Variants in PRKACA observed in about 807,000 individuals in gnomAD.
PRKACA encodes protein kinase cAMP-activated catalytic subunit alpha.
A neutral mutation model predicts 45.8 loss-of-function variants in PRKACA; 9 were observed. The observed-to-expected ratio is 0.20, with a 90% CI of 0.12 to 0.34. PRKACA has a LOEUF of 0.34. Among genes scored for constraint, PRKACA ranks in the 10% least tolerant of loss-of-function variants. The pLI is 1.00. For missense variants in PRKACA, 238 were observed against 458.6 expected (o/e 0.52, Z 4.39); for synonymous variants, 160 against 178.6 (o/e 0.90, Z 0.83).
intron 3 of PRKACA, among the ~76,000 whole-genome samples, chr19:14,105,489 C>T (rs1977575239): frequency 1.3e-5 from 2 of 149,008 alleles, no homozygotes; most frequent in South Asian, 4.2e-4. Flanking sequence ...CCAGCCTGGG[C>T]GACAAGAGTG....
At chr19:14,095,131 T>G (rs1288350616) in intron 8 of PRKACA, among the ~76,000 whole-genome samples, 1 of 149,872 alleles carries the variant, frequency 6.7e-6, no homozygotes, top group East Asian at 1.9e-4. Flanking sequence ...TGTGTTTTTT[T>G]CTTTCTTTTT....
chr19:14,093,041 A>ATGGCCCC lies in PRKACA; in HGVS notation c.*70_*71insGGGGCCA. ...CTGGGGCCCTCTGGCTGTTCAATCCAACCCTCCCACCCCCCCGACCAAAAA... is the reference window on the plus strand; with the variant it reads ...CTGGGGCCCTCTGGCTGTTCAATCCATGGCCCCACCCTCCCACCCCCCCGACCAAAAA... On this transcript the variant is annotated 3_prime_UTR_variant, in exon 10 of 10. Transcript: ENST00000308677. 2 of 500,026 alleles carry ATGGCCCC rather than the reference A, an allele frequency of 4.0e-6. No homozygotes were observed. The highest frequency in any genetic ancestry group is 3.6e-6 in the Non-Finnish European group (1 of 278,312). The allele number at this position is 500,026 out of a possible 1,614,324, so 31.0% of individuals were successfully genotyped here.
At chr19:14,099,092 G>C (rs1977361998) in intron 5 of PRKACA, among the ~76,000 whole-genome samples, 1 of 151,984 alleles carries the variant, frequency 6.6e-6, no homozygotes, top group Admixed American at 6.6e-5. Context: ...AGGAGTTCGA[G>C]ACCAGCCTGG....
Position 14,102,805 on chromosome 19 carries a change from T to C in PRKACA, c.336+11A>G, listed in dbSNP as rs756266608. The C allele has an allele frequency of 1.2e-6, 2 of 1,612,226 alleles. No individual in the cohort carries two copies. Among genetic ancestry groups the C allele is most frequent in the Non-Finnish European group, 1.7e-6 (2 of 1,178,232 alleles). ...GCAGTGACCCCCCGCCCTTGGCCAC[T>C]GGGACCCCACCTTGAAGGAGAACTC... On this transcript the variant is annotated intron_variant, in intron 4 of 9. Transcript: ENST00000308677.
chr19:14,108,039 TAC>T, intron 1 of PRKACA: 1 of 985,922 alleles, frequency 1.0e-6, no homozygotes, highest in African/African-American at 1.7e-5. Flanking sequence ...GGCTGCTGTC[TAC>T]ACTGTCTCAT....
chr19:14,106,504 A>G (rs1977607694), intron 3 of PRKACA, among the ~76,000 whole-genome samples: 1 of 152,124 alleles, frequency 6.6e-6, no homozygotes, highest in Admixed American at 6.5e-5. Context: ...AAATACAAAA[A>G]TTAGCTGGGT....
At chr19:14,116,909 A>C (rs1459907772) in intron 1 of PRKACA, among the ~76,000 whole-genome samples, 2 of 151,546 alleles carry the variant, frequency 1.3e-5, no homozygotes, top group African/African-American at 2.4e-5. Context: ...CAGAAGAAAA[A>C]AATAATGCTG....
Position 14,094,185 on chromosome 19 carries a change from GAAAA to G in PRKACA, c.766-397_766-394del, listed in dbSNP as rs940405502. Among the ~76,000 whole-genome samples, 524 of 58,930 alleles carry G rather than the reference GAAAA, an allele frequency of 8.9e-3. 7 individuals are homozygous for G. The highest frequency in any genetic ancestry group is 0.031 in the African/African-American group (500 of 16,024). The allele number at this position is 58,930 out of a possible 152,430, so 38.7% of individuals were successfully genotyped here. A position where few individuals can be genotyped will look rare whatever the true frequency, so the allele number is the denominator to read the frequency against. Reference sequence around the variant, plus strand: ...AGCAAGAATCTGCATTTCTTTTTTTGAAAAAAAAAAAAAAAAAAAAAAAAAAATA... The same window carrying G: ...AGCAAGAATCTGCATTTCTTTTTTTGAAAAAAAAAAAAAAAAAAAAAAATA... On this transcript the variant is annotated intron_variant, in intron 8 of 9. Coordinates refer to ENST00000308677, the MANE Select transcript of PRKACA (RefSeq NM_002730.4).
chr19:14,115,803 C>G (rs1010975948), intron 1 of PRKACA, among the ~76,000 whole-genome samples: 16 of 152,210 alleles, frequency 1.1e-4, no homozygotes, highest in Non-Finnish European at 2.1e-4. Context: ...ACTGAGCTAC[C>G]GCAATATATA....
Position 14,109,985 on chromosome 19 carries a change from TATATATATATATATACACAC to T in PRKACA, c.47-2596_47-2577del, listed in dbSNP as rs1437996502. On this transcript the variant is annotated intron_variant, in intron 1 of 9. Coordinates refer to ENST00000308677, the MANE Select transcript of PRKACA (RefSeq NM_002730.4). ...AAAAAAATATATATATATATATATA[TATATATATATATATACACAC>T]ACACACACACACACATAGGGAGAGC... Among the ~76,000 whole-genome samples the T allele has an allele frequency of 3.9e-3, 335 of 86,550 alleles. 3 individuals carry two copies. Among genetic ancestry groups the T allele is most frequent in the African/African-American group, 0.017 (324 of 19,382 alleles). 56.8% of individuals were successfully genotyped at this position (86,550 alleles called of 152,430 possible).
In PRKACA at chr19:14,093,232, T is replaced by C; in HGVS notation, c.936A>G (p.Glu312=). The change falls in exon 10 of 10, where the codon GAA becomes GAG. Residue 312 remains glutamate (E), a synonymous_variant. Coordinates refer to ENST00000308677, the MANE Select transcript of PRKACA (RefSeq NM_002730.4). ...DWIAIYQRKV[E]APFIPKFKGP... is the part of the protein sequence containing the mutation. ...CTTTAAACTTTGGTATGAAGGGAGC[T>C]TCCACCTGGAGAGGGATCAAGAATC... is the stretch of plus-strand genomic sequence containing the variant. 6.2e-7 allele frequency: 1 copy of C among 1,613,302 alleles called. No homozygotes were observed. The highest frequency in any genetic ancestry group is 1.7e-4 in the Middle Eastern group (1 of 6,056).
intron 5 of PRKACA, among the ~76,000 whole-genome samples, chr19:14,099,049 G>A (rs1224796697): frequency 6.6e-6 from 1 of 151,924 alleles, no homozygotes; most frequent in Non-Finnish European, 1.5e-5. Context: ...CATCTTGAGA[G>A]GCCAAGGCGG....
intron 8 of PRKACA, among the ~76,000 whole-genome samples, chr19:14,094,906 T>C (rs1472337754): frequency 1.3e-5 from 2 of 152,264 alleles, no homozygotes; most frequent in African/African-American, 2.4e-5. Flanking sequence ...ACTGGAGTTA[T>C]AGTTGCAAGA....
chr19:14,097,145 C>G lies in PRKACA; in HGVS notation c.765+216G>C, dbSNP rs1426095558. On this transcript the variant is annotated intron_variant, in intron 8 of 9. Transcript: ENST00000308677. This position sits in a 1 kb window ranked among gnomAD's most constrained non-coding sequence, Gnocchi z 5.4. ...CCCGTGAGGCTCGGGATTTTGGAAGCCCATGGGATTCTGGAACCGCGGGGT... is the reference window on the plus strand; with the variant it reads ...CCCGTGAGGCTCGGGATTTTGGAAGGCCATGGGATTCTGGAACCGCGGGGT... 1.5e-6 allele frequency: 1 copy of G among 650,112 alleles called. No homozygotes were observed. The highest frequency in any genetic ancestry group is 2.6e-6 in the Non-Finnish European group (1 of 387,004). The allele number at this position is 650,112 out of a possible 1,614,324, so 40.3% of individuals were successfully genotyped here. A position where few individuals can be genotyped will look rare whatever the true frequency, so the allele number is the denominator to read the frequency against.
chr19:14,095,314 G>T (rs1055839445), intron 8 of PRKACA, among the ~76,000 whole-genome samples: 9 of 151,866 alleles, frequency 5.9e-5, no homozygotes, highest in African/African-American at 1.7e-4. Context: ...GGGATTACAG[G>T]TGTGTGCCAC....
chr19:14,116,615 G>A (rs1368283860), intron 1 of PRKACA, among the ~76,000 whole-genome samples: 1 of 152,100 alleles, frequency 6.6e-6, no homozygotes, highest in African/African-American at 2.4e-5. Flanking sequence ...GGCCCTCCAT[G>A]GAGCCTAGAG....
chr19:14,112,572 G>C (rs1966997797), intron 1 of PRKACA: 1 of 152,306 alleles, frequency 6.6e-6, no homozygotes, highest in African/African-American at 2.4e-5. Context: ...ATGGCCTCAG[G>C]GGACCAGGGA....
At chr19:14,099,257 A>T (rs191692434) in intron 5 of PRKACA, among the ~76,000 whole-genome samples, 254 of 152,302 alleles carry the variant, frequency 1.7e-3, no homozygotes, top group African/African-American at 5.8e-3. Flanking sequence ...GTGCCACTGC[A>T]CTCCAGCCTG....
At position 14,114,501 on chromosome 19, in the gene PRKACA, G is replaced by T. The variant is rs543773222; in HGVS notation, c.46+3001C>A. Among the ~76,000 whole-genome samples the T allele has an allele frequency of 7.8e-4, 118 of 152,126 alleles. 1 individual carries two copies. Among genetic ancestry groups the T allele is most frequent in the Admixed American group, 3.1e-3 (48 of 15,280 alleles). On this transcript the variant is annotated intron_variant, in intron 1 of 9. Transcript: ENST00000308677. ...AGTTCTTCCCATCTAGGGTCTTCTT[G>T]GGGGGTGCTTTTCTCTCTTTGCCAG...
Sources: allele counts gnomAD v4.1 joint callset (sites outside exome capture counted in the v4.1 genomes callset), GRCh38; gene constraint gnomAD v4.1.1; non-coding constraint Gnocchi (gnomAD v3.1); transcripts MANE v1.5; gene names NCBI Gene and HGNC (gene_info 2026-07-23, HGNC 2026-07-21).